The following TTC1 variants were observed in gnomAD, a reference collection of about 807,000 sequenced individuals.
TTC1 encodes the protein tetratricopeptide repeat domain 1.
TTC1 carries 31 observed loss-of-function variants against 37.6 expected under a neutral mutation model. That is an observed-to-expected ratio of 0.82 (90% CI 0.62 to 1.11). The LOEUF (loss-of-function observed/expected upper bound fraction) is 1.11, where lower values mean the gene tolerates loss of function less well. Among genes scored for constraint, TTC1 ranks in the 50% most tolerant of loss-of-function variants. The pLI is 0.00. For missense variants in TTC1, 351 were observed against 339.0 expected, an observed-to-expected ratio of 1.04 and a Z score of -0.28; for synonymous variants, 127 against 122.4, an observed-to-expected ratio of 1.04 and a Z score of -0.25.
At chr5:160,058,221 G>T (rs1212074414) in intron 7 of TTC1, among the ~76,000 whole-genome samples, 1 of 152,164 alleles carries the variant, frequency 6.6e-6, no homozygotes, top group Non-Finnish European at 1.5e-5. Flanking sequence ...TAGCAATTTA[G>T]TCACATCTTC....
At chr5:160,027,260 T>G (rs1561628283) in intron 2 of TTC1, among the ~76,000 whole-genome samples, 1 of 152,138 alleles carries the variant, frequency 6.6e-6, no homozygotes, top group South Asian at 2.1e-4. Flanking sequence ...AACTCCTGAG[T>G]TCAAGCGATC....
At chr5:160,042,270 T>A (rs72643436) in intron 4 of TTC1, among the ~76,000 whole-genome samples, 23,422 of 152,252 alleles carry the variant, frequency 0.15, 2,009 homozygotes, top group East Asian at 0.27. Context: ...AGTTTGGCTG[T>A]CACTGCTGTG....
chr5:160,043,646 T>A (rs1339634675), intron 5 of TTC1, among the ~76,000 whole-genome samples: 1 of 152,180 alleles, frequency 6.6e-6, no homozygotes, highest in East Asian at 1.9e-4. Flanking sequence ...TGGAATAGAA[T>A]TTACCTCCTG....
rs1213185609 is a variant in TTC1, at chr5:160,065,436, A to G, written c.*371A>G. 1.1e-5 allele frequency: 5 copies of G among 465,780 alleles called. No homozygotes were observed. Among genetic ancestry groups the G allele is most frequent in the South Asian group, 7.7e-5 (5 of 64,526 alleles). 28.9% of individuals were successfully genotyped at this position (465,780 alleles called of 1,614,324 possible). A position where few individuals can be genotyped will look rare whatever the true frequency, so the allele number is the denominator to read the frequency against. ...TTGGTTGGGAGACTGCCCAGACATGATTGATGACGGGTTCCCGCCTGCTGT... is the reference window on the plus strand; with the variant it reads ...TTGGTTGGGAGACTGCCCAGACATGGTTGATGACGGGTTCCCGCCTGCTGT... On this transcript the variant is annotated 3_prime_UTR_variant, in exon 8 of 8. Coordinates refer to ENST00000231238, the MANE Select transcript of TTC1 (RefSeq NM_003314.3).
intron 2 of TTC1, among the ~76,000 whole-genome samples, chr5:160,016,850 T>C (rs1261950427): frequency 6.6e-6 from 1 of 152,342 alleles, no homozygotes; most frequent in Non-Finnish European, 1.5e-5. Flanking sequence ...CCAAAGTCTG[T>C]TAATCAAGCT....
chr5:160,035,334 A>G, intron 3 of TTC1, 134 bp downstream of exon 3: 1 of 614,182 alleles, frequency 1.6e-6, no homozygotes, highest in East Asian at 3.5e-5. Flanking sequence ...GCTTCCCAGT[A>G]CCTTGGCATT....
At chr5:160,033,275 A>G (rs1339723697) in intron 2 of TTC1, among the ~76,000 whole-genome samples, 2 of 152,096 alleles carry the variant, frequency 1.3e-5, no homozygotes, top group African/African-American at 4.8e-5. Context: ...CCCTTCCCTC[A>G]GATACGTTAT....
intron 7 of TTC1, among the ~76,000 whole-genome samples, chr5:160,056,345 GTCAC>G (rs1757547066): frequency 6.6e-6 from 1 of 152,124 alleles, no homozygotes; most frequent in South Asian, 2.1e-4. Context: ...GATTCTTAAA[GTCAC>G]TCAGTTGTTC....
chr5:160,044,582 TGTCTTTTA>T (rs1757167208), intron 5 of TTC1, among the ~76,000 whole-genome samples: 1 of 152,200 alleles, frequency 6.6e-6, no homozygotes, highest in Non-Finnish European at 1.5e-5. Context: ...CTGGTGGGGA[TGTCTTTTA>T]GCATGTTAAT....
chr5:160,041,116 C>CA (rs2113375003), intron 4 of TTC1, among the ~76,000 whole-genome samples: 1 of 152,164 alleles, frequency 6.6e-6, no homozygotes, highest in Admixed American at 6.5e-5. Context: ...CTGTCATCTC[C>CA]ATCTCCTATG....
At chr5:160,025,031 GT>G (rs1756776856) in intron 2 of TTC1, among the ~76,000 whole-genome samples, 1 of 151,742 alleles carries the variant, frequency 6.6e-6, no homozygotes, top group East Asian at 1.9e-4. Context: ...TTATTTTTTT[GT>G]TTTGTTTGTT....
intron 2 of TTC1, chr5:160,024,161 A>G (rs1756761796): frequency 1.8e-6 from 1 of 565,594 alleles, no homozygotes; most frequent in Non-Finnish European, 3.2e-6. Flanking sequence ...ATGTTGAAAA[A>G]CTCTCATTAC....
intron 2 of TTC1, among the ~76,000 whole-genome samples, chr5:160,034,916 G>A (rs370510756): frequency 2.6e-5 from 4 of 152,176 alleles, no homozygotes; most frequent in South Asian, 2.1e-4. Flanking sequence ...ATGCCAAGAA[G>A]ACCTACATTT....
chr5:160,022,353 T>C (rs962997236), intron 2 of TTC1, among the ~76,000 whole-genome samples: 1 of 152,232 alleles, frequency 6.6e-6, no homozygotes, highest in Non-Finnish European at 1.5e-5. Flanking sequence ...TTTGCCATGC[T>C]ACCCAGGATT....
intron 7 of TTC1, among the ~76,000 whole-genome samples, chr5:160,051,886 T>G (rs957602629): frequency 2.0e-5 from 3 of 152,266 alleles, no homozygotes; most frequent in Non-Finnish European, 2.9e-5. Context: ...GAGTATTTTC[T>G]AAATCTGTTG....
chr5:160,037,995 G>GT (rs1181973094), intron 4 of TTC1, among the ~76,000 whole-genome samples: 2 of 151,682 alleles, frequency 1.3e-5, no homozygotes, highest in Admixed American at 1.3e-4. Flanking sequence ...AGGTGACAAG[G>GT]TTTTTTTTGT....
chr5:160,038,359 C>G (rs1455205602), intron 4 of TTC1, among the ~76,000 whole-genome samples: 2 of 152,174 alleles, frequency 1.3e-5, no homozygotes, highest in Non-Finnish European at 2.9e-5. Flanking sequence ...CATTTTTAGA[C>G]TGGACATTGT....
chr5:160,009,275 C>T (rs1210854512), intron 1 of TTC1, 82 bp downstream of exon 1: 1 of 152,242 alleles, frequency 6.6e-6, no homozygotes, highest in Admixed American at 6.5e-5. Context: ...CGAGGCATCA[C>T]TTCCCTAACT....
At chr5:160,017,240 A>G (rs955003490) in intron 2 of TTC1, among the ~76,000 whole-genome samples, 5 of 152,234 alleles carry the variant, frequency 3.3e-5, no homozygotes, top group African/African-American at 1.2e-4. Flanking sequence ...GAGCTGCTAT[A>G]ACAAAATACC....
Sources: allele counts gnomAD v4.1 joint callset (sites outside exome capture counted in the v4.1 genomes callset), GRCh38; gene constraint gnomAD v4.1.1; transcripts MANE v1.5; gene names NCBI Gene and HGNC (gene_info 2026-07-23, HGNC 2026-07-21).